The following EPHA6 variants were observed in gnomAD, a reference collection of about 807,000 sequenced individuals.
The protein encoded by EPHA6 is ephrin type-A receptor 6.
In EPHA6, 50 loss-of-function variants were observed where a neutral mutation model predicts 112.0. The ratio of observed to expected loss-of-function variants is 0.45; its 90% CI spans 0.36 to 0.56. EPHA6 has a LOEUF of 0.56. Among genes scored for constraint, EPHA6 ranks in the 20% least tolerant of loss-of-function variants. The pLI is 0.00. For synonymous variants in EPHA6, 529 were observed against 490.7 expected (o/e 1.08, Z -1.03); for missense variants, 1,280 against 1,417.4 (o/e 0.90, Z 1.56).
chr3:97,687,769 G>A (rs568693237), intron 14 of EPHA6, among the ~76,000 whole-genome samples: 4 of 152,314 alleles, frequency 2.6e-5, no homozygotes, highest in South Asian at 2.1e-4. Flanking sequence ...TACTTCTCAT[G>A]TGTGAGTCTG....
At chr3:97,748,457 A>C in intron 17 of EPHA6, 130 bp from the exon 18 acceptor site, 1 of 606,084 alleles carries the variant, frequency 1.6e-6, no homozygotes. Context: ...TGCTTATTTA[A>C]TATATTTAAA....
rs116439380 is a variant in EPHA6, at chr3:97,729,507, G to T, written c.2935-6418G>T. Among the ~76,000 whole-genome samples the T allele has an allele frequency of 9.3e-3, 1,416 of 152,062 alleles. 22 individuals are homozygous for T. The highest frequency in any genetic ancestry group is 0.033 in the African/African-American group (1,350 of 41,492). ...ATCAGATCTCATGGGACTTATTCAC[G>T]ATCATGAGAACAGCACGGGAAAGAC... On this transcript the variant is annotated intron_variant, in intron 15 of 17. Transcript: ENST00000389672.
intron 3 of EPHA6, among the ~76,000 whole-genome samples, chr3:97,215,966 G>T (rs889989085): frequency 3.3e-5 from 5 of 151,984 alleles, no homozygotes; most frequent in African/African-American, 1.2e-4. Context: ...CAGGAATAAG[G>T]GTATATGGAA....
intron 16 of EPHA6, chr3:97,745,584 T>C (rs1052445637): frequency 4.6e-6 from 1 of 218,732 alleles, no homozygotes; most frequent in African/African-American, 2.4e-5. Context: ...TTAATTTATG[T>C]TAATTCCAAT....
chr3:97,545,249 A>C (rs2092928148), intron 11 of EPHA6, among the ~76,000 whole-genome samples: 1 of 151,936 alleles, frequency 6.6e-6, no homozygotes, highest in Non-Finnish European at 1.5e-5. Context: ...TGTCCCAGAG[A>C]TTCTGGTATG....
chr3:97,370,885 A>T (rs2085011766), intron 5 of EPHA6, among the ~76,000 whole-genome samples: 1 of 152,122 alleles, frequency 6.6e-6, no homozygotes. Context: ...TTTTTGCAGG[A>T]TGATGTAGCT....
Position 97,327,784 on chromosome 3 carries a change from T to C in EPHA6, c.1607-77366T>C, listed in dbSNP as rs76638795. On this transcript the variant is annotated intron_variant, in intron 5 of 17. Coordinates refer to ENST00000389672, the MANE Select transcript of EPHA6 (RefSeq NM_001080448.3). Reference sequence around the variant, plus strand: ...AGTAATTTGAGGTTCATCGAAGTTGTAGCAGTACTACATTCATTTTTATTG... The same window carrying C: ...AGTAATTTGAGGTTCATCGAAGTTGCAGCAGTACTACATTCATTTTTATTG... 8.6e-5 allele frequency among the ~76,000 whole-genome samples: 13 copies of C among 151,312 alleles called. No homozygotes were observed. In the East Asian group the frequency reaches 2.5e-3, roughly 29 times the overall value.
chr3:97,635,999 A>AT (rs2093941596), intron 13 of EPHA6, among the ~76,000 whole-genome samples: 1 of 152,104 alleles, frequency 6.6e-6, no homozygotes, highest in Non-Finnish European at 1.5e-5. Context: ...AAAAAAACAC[A>AT]TATAATAACA....
intron 14 of EPHA6, among the ~76,000 whole-genome samples, chr3:97,660,617 C>G (rs985633209): frequency 7.2e-5 from 11 of 152,048 alleles, no homozygotes; most frequent in African/African-American, 2.7e-4. Context: ...TGTGAGCTCG[C>G]TTGATTTGCC....
chr3:96,884,507 C>G (rs1454162629), intron 2 of EPHA6, among the ~76,000 whole-genome samples: 1 of 152,036 alleles, frequency 6.6e-6, no homozygotes, highest in African/African-American at 2.4e-5. Flanking sequence ...GAGTTGAGTT[C>G]TTGATTTGAT....
intron 1 of EPHA6, among the ~76,000 whole-genome samples, chr3:96,852,352 C>A (rs1045190521): frequency 6.6e-6 from 1 of 151,720 alleles, no homozygotes; most frequent in Non-Finnish European, 1.5e-5. Flanking sequence ...TAACTTGAGC[C>A]CAGAAGGCAG....
chr3:96,965,667 A>G (rs1371533104), intron 2 of EPHA6, among the ~76,000 whole-genome samples: 1 of 152,110 alleles, frequency 6.6e-6, no homozygotes, highest in Non-Finnish European at 1.5e-5. Flanking sequence ...TACATAATCA[A>G]ATTTACCAAT....
chr3:97,221,669 G>A (rs1428768372), intron 3 of EPHA6, among the ~76,000 whole-genome samples: 1 of 152,080 alleles, frequency 6.6e-6, no homozygotes, highest in African/African-American at 2.4e-5. Flanking sequence ...CAGAATACTT[G>A]TGCAATTATC....
intron 1 of EPHA6, among the ~76,000 whole-genome samples, chr3:96,832,782 A>G (rs532147997): frequency 6.6e-6 from 1 of 152,162 alleles, no homozygotes; most frequent in East Asian, 1.9e-4. Context: ...TTGGATTTTA[A>G]GACTGCCAAT....
At chr3:97,561,959 C>G (rs992108919) in intron 11 of EPHA6, among the ~76,000 whole-genome samples, 3 of 152,100 alleles carry the variant, frequency 2.0e-5, no homozygotes, top group African/African-American at 7.2e-5. Context: ...GCTTGCATGA[C>G]AGCACATCTG....
chr3:96,949,951 G>A (rs2107716037), intron 2 of EPHA6, among the ~76,000 whole-genome samples: 1 of 152,206 alleles, frequency 6.6e-6, no homozygotes, highest in South Asian at 2.1e-4. Flanking sequence ...GTGTTCACAA[G>A]TTCAACATTC....
At chr3:97,138,876 G>C (rs1486041963) in intron 3 of EPHA6, among the ~76,000 whole-genome samples, 1 of 152,188 alleles carries the variant, frequency 6.6e-6, no homozygotes. Context: ...TTGGGAACTA[G>C]CCTAATTATT....
At chr3:97,252,947 C>T (rs2079185992) in intron 5 of EPHA6, among the ~76,000 whole-genome samples, 1 of 151,940 alleles carries the variant, frequency 6.6e-6, no homozygotes, top group South Asian at 2.1e-4. Flanking sequence ...ACTCAGCAAA[C>T]CAATATAATC....
intron 6 of EPHA6, among the ~76,000 whole-genome samples, chr3:97,417,635 A>T (rs965767160): frequency 6.6e-6 from 1 of 151,908 alleles, no homozygotes; most frequent in Non-Finnish European, 1.5e-5. Context: ...CTGAGCTTGG[A>T]GGGGAAAGAT....
Sources: allele counts gnomAD v4.1 joint callset (sites outside exome capture counted in the v4.1 genomes callset), GRCh38; gene constraint gnomAD v4.1.1; transcripts MANE v1.5; gene names NCBI Gene and HGNC (gene_info 2026-07-23, HGNC 2026-07-21).